The following VPS53 variants were observed in gnomAD, a reference collection of about 807,000 sequenced individuals.
The protein encoded by VPS53 is vacuolar protein sorting-associated protein 53 homolog.
VPS53 carries 70 observed loss-of-function variants against 107.0 expected under a neutral mutation model. The ratio of observed to expected loss-of-function variants is 0.65; its 90% CI spans 0.54 to 0.80. The LOEUF (loss-of-function observed/expected upper bound fraction) is 0.80. Ranked by LOEUF, VPS53 falls within the 30% of genes least tolerant of loss-of-function variation. VPS53 has a pLI of 0.00. For missense variants in VPS53, 917 were observed against 1,049.4 expected (o/e 0.87, Z 1.74); for synonymous variants, 409 against 393.3 (o/e 1.04, Z -0.47).
At chr17:687,996 C>G (rs1215400966) in intron 4 of VPS53, among the ~76,000 whole-genome samples, 1 of 152,102 alleles carries the variant, frequency 6.6e-6, no homozygotes, top group African/African-American at 2.4e-5. Flanking sequence ...ATAAAATGCC[C>G]AGTCCTTCAC....
chr17:687,628 C>T (rs1972635287), intron 4 of VPS53, among the ~76,000 whole-genome samples: 1 of 151,690 alleles, frequency 6.6e-6, no homozygotes, highest in East Asian at 1.9e-4. Context: ...GTCCCAGCTA[C>T]TCGGGACGCT....
intron 2 of VPS53, among the ~76,000 whole-genome samples, chr17:701,654 G>A (rs1973208499): frequency 6.6e-6 from 1 of 152,072 alleles, no homozygotes; most frequent in South Asian, 2.1e-4. Context: ...AGGATTACAG[G>A]TATGAGCCAC....
At chr17:568,916 C>T (rs1176364585) in intron 13 of VPS53, among the ~76,000 whole-genome samples, 1 of 152,184 alleles carries the variant, frequency 6.6e-6, no homozygotes, top group Non-Finnish European at 1.5e-5. Flanking sequence ...GCACACACAG[C>T]TATAGAGACA....
At position 524,628 on chromosome 17, in the gene VPS53, C is replaced by T. The variant is rs1445778642; in HGVS notation, c.2086-2890G>A. Among the ~76,000 whole-genome samples, 5 of 152,206 alleles carry T rather than the reference C, an allele frequency of 3.3e-5. No individual in the cohort carries two copies. The highest frequency in any genetic ancestry group is 2.0e-4 in the Admixed American group (3 of 15,284). The stretch of plus-strand genomic sequence containing the variant: ...TGCCCGAAAGGCATATGAAATGACA[C>T]GCAACCTGGTTAGTAACTGGGAAAT... On this transcript the variant is annotated intron_variant, in intron 19 of 21. Transcript: ENST00000437048. The surrounding 1 kb of genome is among the most constrained non-coding windows in gnomAD (Gnocchi z 4.5).
chr17:647,646 G>A (rs1038452334), intron 7 of VPS53, among the ~76,000 whole-genome samples: 4 of 152,264 alleles, frequency 2.6e-5, no homozygotes, highest in Admixed American at 1.3e-4. Context: ...GTCTGATAAG[G>A]TGATCAGCTG....
intron 14 of VPS53, among the ~76,000 whole-genome samples, chr17:561,893 A>G (rs1330991996): frequency 2.0e-5 from 3 of 152,084 alleles, no homozygotes; most frequent in East Asian, 3.9e-4. Context: ...GCTGCCCCCA[A>G]TCCTACCGCA....
intron 4 of VPS53, chr17:675,320 A>C (rs1049482044): frequency 4.6e-5 from 7 of 152,230 alleles, no homozygotes; most frequent in African/African-American, 1.7e-4. Context: ...TTATCACGGA[A>C]GTAGGAGAGG....
chr17:664,428 C>T (rs1482641350), intron 4 of VPS53, among the ~76,000 whole-genome samples: 1 of 152,038 alleles, frequency 6.6e-6, no homozygotes, highest in Admixed American at 6.6e-5. Flanking sequence ...AAGATCCTGA[C>T]AGAGAAAAGA....
At chr17:547,310 G>T (rs1023799201) in intron 17 of VPS53, among the ~76,000 whole-genome samples, 1 of 152,198 alleles carries the variant, frequency 6.6e-6, no homozygotes, top group African/African-American at 2.4e-5. Flanking sequence ...ACAAAATGTG[G>T]TCTATCCATA....
At chr17:570,201 T>C (rs905164630) in intron 13 of VPS53, among the ~76,000 whole-genome samples, 1 of 151,334 alleles carries the variant, frequency 6.6e-6, no homozygotes, top group Admixed American at 6.6e-5. Flanking sequence ...ACCCTGTCTC[T>C]ACTAAAAAAA....
In VPS53 at chr17:571,123, A is replaced by T. The variant is rs369228845; in HGVS notation, c.1314-8378T>A. Among the ~76,000 whole-genome samples, 14 of 151,964 alleles carry T rather than the reference A, an allele frequency of 9.2e-5. No individual in the cohort carries two copies. The East Asian group carries it at 2.5e-3, about 27-fold the overall frequency. ...AGCCCAGGAGTTTGAGACCAGCCCG[A>T]GCAACATGGTGAGACCCTGTCTCTA... On this transcript the variant is annotated intron_variant, in intron 13 of 21. Transcript: ENST00000437048.
intron 2 of VPS53, among the ~76,000 whole-genome samples, chr17:699,682 T>C (rs1449035605): frequency 5.9e-5 from 9 of 152,218 alleles, no homozygotes; most frequent in Non-Finnish European, 5.9e-5. Context: ...AAAGACGCTG[T>C]ACAGCCACAA....
At chr17:551,258 G>A (rs1276975446) in intron 17 of VPS53, among the ~76,000 whole-genome samples, 3 of 151,940 alleles carry the variant, frequency 2.0e-5, no homozygotes, top group Non-Finnish European at 2.9e-5. Flanking sequence ...ATGAGGTAGC[G>A]CTCAGTAATT....
chr17:528,305 C>G (rs1364577995), intron 19 of VPS53, among the ~76,000 whole-genome samples: 1 of 152,152 alleles, frequency 6.6e-6, no homozygotes, highest in Non-Finnish European at 1.5e-5. Context: ...TTCTGTTTTA[C>G]GGATTTGCCT....
At chr17:604,461 A>G (rs1394286576) in intron 11 of VPS53, among the ~76,000 whole-genome samples, 1 of 152,222 alleles carries the variant, frequency 6.6e-6, no homozygotes, top group Admixed American at 6.5e-5. Context: ...AGTCGAACCT[A>G]ACGGGCAGCC....
intron 4 of VPS53, among the ~76,000 whole-genome samples, chr17:696,124 A>G (rs760367493): frequency 2.0e-5 from 3 of 152,252 alleles, no homozygotes; most frequent in Non-Finnish European, 2.9e-5. Context: ...TTAGGAACCT[A>G]ATGTGTCTAC....
intron 2 of VPS53, among the ~76,000 whole-genome samples, chr17:703,784 T>C (rs1597508279): frequency 6.6e-6 from 1 of 151,926 alleles, no homozygotes; most frequent in Non-Finnish European, 1.5e-5. Flanking sequence ...TAAACTGGGA[T>C]GATAAGCAAT....
chr17:714,664 C>A lies in VPS53; in HGVS notation c.46G>T (p.Val16Leu). 6.2e-7 allele frequency: 1 copy of A among 1,613,222 alleles called. No individual in the cohort carries two copies. The highest frequency in any genetic ancestry group is 8.5e-7 in the Non-Finnish European group (1 of 1,179,556). ...TGCACCTCGGGCGTGAGCTGCAGCA[C>A]GGCTTCCAGCTCCTCCACGAACTCC... is the stretch of plus-strand genomic sequence containing the variant. The part of the protein sequence containing the change: ...ELEFVEELEA[V>L]LQLTPEVQLA... Residue 16 changes from valine to leucine, a missense_variant, in exon 1 of 22, where the codon GTG (valine) becomes TTG (leucine). Physicochemically the swap from Val to Leu is conservative, Grantham distance 32. Coordinates refer to ENST00000437048, the MANE Select transcript of VPS53 (RefSeq NM_001128159.3).
intron 4 of VPS53, among the ~76,000 whole-genome samples, chr17:673,459 C>T (rs1006317804): frequency 3.5e-4 from 54 of 152,198 alleles, no homozygotes; most frequent in African/African-American, 1.3e-3. Flanking sequence ...GGCTGCGGGA[C>T]TCTCACACAC....
Sources: allele counts gnomAD v4.1 joint callset (sites outside exome capture counted in the v4.1 genomes callset), GRCh38; gene constraint gnomAD v4.1.1; non-coding constraint Gnocchi (gnomAD v3.1); transcripts MANE v1.5; gene names NCBI Gene and HGNC (gene_info 2026-07-23, HGNC 2026-07-21).